Variants in ATG2B observed in about 807,000 individuals in gnomAD.
ATG2B encodes the protein autophagy-related protein 2 homolog B.
ATG2B carries 121 observed loss-of-function variants against 241.3 expected under a neutral mutation model. The ratio of observed to expected loss-of-function variants is 0.50; its 90% confidence interval spans 0.43 to 0.58. ATG2B has a LOEUF of 0.58. ATG2B is among the 20% of genes least tolerant of loss of function. The pLI is 0.00. For missense variants in ATG2B, 2,306 were observed against 2,491.6 expected (o/e 0.93, Z 1.59); for synonymous variants, 858 against 876.6 (o/e 0.98, Z 0.37).
intron 2 of ATG2B, 143 bp downstream of exon 2, chr14:96,347,036 C>A: frequency 1.6e-6 from 1 of 628,478 alleles, no homozygotes; most frequent in Non-Finnish European, 2.4e-6. Flanking sequence ...CATGCACATT[C>A]TACAAAGAGC....
chr14:96,350,895 G>T (rs1030117237), intron 1 of ATG2B, among the ~76,000 whole-genome samples: 5 of 152,148 alleles, frequency 3.3e-5, no homozygotes, highest in Non-Finnish European at 2.9e-5. Context: ...ATCATGCTGG[G>T]TCTCCTGTCC....
In ATG2B at chr14:96,362,818, T is replaced by C; in HGVS notation, c.159A>G (p.Lys53=). ...GCTCGCCGCCGGCAGCTCTTACCCA[T>C]TTGTCCAAGGGGACCTGGGCGAGGG... is the stretch of plus-strand genomic sequence containing the variant. The part of the protein sequence containing the change: ...TGSLAQVPLD[K]WCLNEILESA... The change falls in exon 1 of 42, where the codon AAA becomes AAG. Residue 53 remains lysine, a synonymous_variant. Coordinates refer to ENST00000359933, the MANE Select transcript of ATG2B (RefSeq NM_018036.7). The C allele has an allele frequency of 6.2e-7, 1 of 1,601,782 alleles. No homozygotes were observed. Among genetic ancestry groups the C allele is most frequent in the East Asian group, 2.2e-5 (1 of 44,492 alleles).
At chr14:96,304,830 A>G (rs1886891880) in intron 31 of ATG2B, among the ~76,000 whole-genome samples, 1 of 152,110 alleles carries the variant, frequency 6.6e-6, no homozygotes, top group Non-Finnish European at 1.5e-5. Context: ...CTTGCTAAAT[A>G]CTCAAAACTA....
chr14:96,353,033 A>G (rs77717905), intron 1 of ATG2B, among the ~76,000 whole-genome samples: 2,537 of 152,236 alleles, frequency 0.017, 40 homozygotes, highest in African/African-American at 0.04. Flanking sequence ...ATTTTATGCC[A>G]TATTTGTACA....
At chr14:96,314,603 T>A (rs1050735803) in intron 23 of ATG2B, among the ~76,000 whole-genome samples, 8 of 152,230 alleles carry the variant, frequency 5.3e-5, no homozygotes, top group African/African-American at 1.9e-4. Context: ...AAGATAACTC[T>A]GTCATTGAGA....
At chr14:96,308,270 A>T (rs867889075) in intron 29 of ATG2B, among the ~76,000 whole-genome samples, 3 of 27,904 alleles carry the variant, frequency 1.1e-4, no homozygotes, top group African/African-American at 5.9e-4. Context: ...ATATATATAT[A>T]TATATATATA....
chr14:96,347,090 G>A (rs1238035307), intron 2 of ATG2B, 89 bp downstream of exon 2: 7 of 1,210,868 alleles, frequency 5.8e-6, no homozygotes, highest in Non-Finnish European at 7.7e-6. Context: ...CAAATACAAA[G>A]CAAAAATACT....
Position 96,311,630 on chromosome 14 carries a change from A to T in ATG2B, c.3914-12T>A, listed in dbSNP as rs760966789. On this transcript the variant is annotated splice_polypyrimidine_tract_variant and intron_variant, in intron 26 of 41. Transcript: ENST00000359933. ...CACACGAACATAATCTAAAATTTTT[A>T]AAATTAAGAAAATCTCTTCAGTACA... 1.9e-6 allele frequency: 3 copies of T among 1,570,720 alleles called. No individual in the cohort carries two copies. Among genetic ancestry groups the T allele is most frequent in the South Asian group, 2.3e-5 (2 of 88,346 alleles).
At chr14:96,357,755 AAGT>A (rs1057113716) in intron 1 of ATG2B, among the ~76,000 whole-genome samples, 4 of 152,140 alleles carry the variant, frequency 2.6e-5, no homozygotes, top group Non-Finnish European at 5.9e-5. Flanking sequence ...TTCAAAAGGT[AAGT>A]AGAACTGCTT....
rs558356098 is a variant in ATG2B, at chr14:96,285,990, G to C, written c.6007-5C>G. 1 of 1,605,288 alleles carries C rather than the reference G, an allele frequency of 6.2e-7. No individual in the cohort carries two copies. Among genetic ancestry groups the C allele is most frequent in the Non-Finnish European group, 8.5e-7 (1 of 1,173,620 alleles). On this transcript the variant is annotated splice_polypyrimidine_tract_variant and splice_region_variant and intron_variant, in intron 41 of 41. Coordinates refer to ENST00000359933, the MANE Select transcript of ATG2B (RefSeq NM_018036.7). This position sits in a 1 kb window ranked among gnomAD's most constrained non-coding sequence, Gnocchi z 4.2. ...CTGAGCCGTGTCTGTGATTCCCTGC[G>C]TAGAGGAGGGAGGTAGGAGAGAGGA...
At chr14:96,317,913 CT>C in intron 18 of ATG2B, 58 bp from the exon 19 acceptor site, 2 of 1,237,392 alleles carry the variant, frequency 1.6e-6, no homozygotes, top group South Asian at 4.2e-5. Context: ...AGAAGGCAAA[CT>C]TAAAAAAAAA....
chr14:96,325,512 T>C (rs1448413207), intron 15 of ATG2B, 137 bp downstream of exon 15: 2 of 779,688 alleles, frequency 2.6e-6, no homozygotes. Context: ...TAGAAAGACA[T>C]TGTTGCTGTT....
At chr14:96,325,090 AC>A (rs1725694572) in intron 15 of ATG2B, among the ~76,000 whole-genome samples, 3 of 152,238 alleles carry the variant, frequency 2.0e-5, no homozygotes, top group Admixed American at 6.5e-5. Context: ...AATAAAAGTC[AC>A]TAGCGATTAG....
intron 2 of ATG2B, among the ~76,000 whole-genome samples, chr14:96,346,822 CT>C (rs929861004): frequency 2.9e-4 from 44 of 152,330 alleles, no homozygotes; most frequent in African/African-American, 8.9e-4. Context: ...GGGAAGCCCC[CT>C]GACACTCAAT....
At chr14:96,340,959 T>C (rs964757794) in intron 6 of ATG2B, among the ~76,000 whole-genome samples, 1 of 148,536 alleles carries the variant, frequency 6.7e-6, no homozygotes, top group Non-Finnish European at 1.5e-5. Context: ...AAAGATGATA[T>C]ATTATATAGG....
At chr14:96,331,732 AGAT>A in intron 10 of ATG2B, 95 bp from the exon 11 acceptor site, 2 of 975,372 alleles carry the variant, frequency 2.1e-6, no homozygotes, top group Non-Finnish European at 3.0e-6. Flanking sequence ...TTTAAAAAAC[AGAT>A]GATCATACAA....
chr14:96,322,014 T>C (rs779554058), intron 18 of ATG2B, 98 bp downstream of exon 18: 33 of 866,490 alleles, frequency 3.8e-5, no homozygotes, highest in Non-Finnish European at 5.0e-5. Flanking sequence ...AGATGGCATA[T>C]AATATTCAGG....
In ATG2B at chr14:96,325,868, G is replaced by A. The variant is rs200280100; in HGVS notation, c.2218C>T (p.Arg740Trp). The A allele has an allele frequency of 1.5e-4, 240 of 1,613,892 alleles. No individual in the cohort carries two copies. The highest frequency in any genetic ancestry group is 2.3e-4 in the Admixed American group (14 of 59,994). ...LDDSHSPANC[R>W]ISVQVATPAL... ...GGTGTGGCAACTTGTACTGATATCC[G>A]ACAATTTGCAGGACTATGTGAATCA... Residue 740 changes from arginine (R) to tryptophan (W), a missense_variant, in exon 15 of 42, where the codon CGG becomes TGG. By Grantham distance (101) the Arg-to-Trp change is moderately radical. Around this residue, in one of 2 missense-constraint regions of ATG2B, gnomAD observed 1,927 missense variants for 2,011.2 expected, o/e 0.96. Transcript: ENST00000359933.
chr14:96,344,636 A>T lies in ATG2B; in HGVS notation c.581+18T>A. 2 of 1,453,094 alleles carry T rather than the reference A, an allele frequency of 1.4e-6. No homozygotes were observed. Among genetic ancestry groups the T allele is most frequent in the Non-Finnish European group, 1.9e-6 (2 of 1,048,358 alleles). 90.0% of individuals were successfully genotyped at this position (1,453,094 alleles called of 1,614,324 possible). A position where few individuals can be genotyped will look rare whatever the true frequency, so the allele number is the denominator to read the frequency against. ...AGTTACAATAGGGTCATTTATTTTC[A>T]GACATAAGAATTCTTACCTTTCTAT... is the stretch of plus-strand genomic sequence containing the variant. On this transcript the variant is annotated intron_variant, in intron 4 of 41. Transcript: ENST00000359933.
Sources: allele counts gnomAD v4.1 joint callset (sites outside exome capture counted in the v4.1 genomes callset), GRCh38; gene constraint gnomAD v4.1.1; regional missense constraint gnomAD v4.1.1; non-coding constraint Gnocchi (gnomAD v3.1); transcripts MANE v1.5; gene names NCBI Gene and HGNC (gene_info 2026-07-23, HGNC 2026-07-21).